Variants in ACTR6 observed in about 807,000 individuals in gnomAD.
The protein encoded by ACTR6 is actin-related protein 6.
A neutral mutation model predicts 52.5 loss-of-function variants in ACTR6; 50 were observed. The ratio of observed to expected loss-of-function variants is 0.95; its 90% confidence interval spans 0.76 to 1.20. ACTR6 has a LOEUF of 1.20. ACTR6 is among the 50% of genes most tolerant of loss of function. The probability of loss-of-function intolerance (pLI) is 0.00; values close to 1 mark genes in which losing one functional copy is unlikely to be tolerated. For missense variants in ACTR6, 344 were observed against 472.4 expected (o/e 0.73, Z 2.52); for synonymous variants, 135 against 147.2 (o/e 0.92, Z 0.60).
chr12:100,204,535 G>GTT (rs1036205378), intron 1 of ACTR6, among the ~76,000 whole-genome samples: 1 of 150,904 alleles, frequency 6.6e-6, no homozygotes, highest in East Asian at 1.9e-4. Flanking sequence ...TAATTTTTGT[G>GTT]TTTTTTTTTA....
At chr12:100,202,509 G>T (rs1017217727) in intron 1 of ACTR6, among the ~76,000 whole-genome samples, 1 of 151,988 alleles carries the variant, frequency 6.6e-6, no homozygotes. Flanking sequence ...TTATCCCAGT[G>T]TCATCTCGTA....
chr12:100,210,124 G>T lies in ACTR6; in HGVS notation c.431G>T (p.Cys144Phe). The T allele has an allele frequency of 6.2e-7, 1 of 1,610,940 alleles. No homozygotes were observed. The highest frequency in any genetic ancestry group is 1.3e-5 in the African/African-American group (1 of 74,810). ...TTCCGAGATAATCCTTCCGAATTATGCTGTATCATTGTTGATAGTGGATAT... is the reference window on the plus strand; with the variant it reads ...TTCCGAGATAATCCTTCCGAATTATTCTGTATCATTGTTGATAGTGGATAT... The part of the protein sequence containing the change: ...RYFRDNPSEL[C>F]CIIVDSGYSF... Residue 144 changes from cysteine to phenylalanine, a missense_variant, in exon 5 of 11, where the codon TGC (cysteine) becomes TTC (phenylalanine). Transcript: ENST00000188312.
chr12:100,207,884 A>G, intron 4 of ACTR6, 98 bp downstream of exon 4: 1 of 1,365,622 alleles, frequency 7.3e-7, no homozygotes, highest in Non-Finnish European at 1.0e-6. Context: ...ATTCTTGGCT[A>G]GCACAGTGGC....
intron 8 of ACTR6, among the ~76,000 whole-genome samples, chr12:100,217,708 T>G (rs570767392): frequency 6.6e-6 from 1 of 152,314 alleles, no homozygotes; most frequent in Admixed American, 6.5e-5. Flanking sequence ...GACCATGGAC[T>G]TGCTTACATC....
intron 9 of ACTR6, among the ~76,000 whole-genome samples, chr12:100,219,160 T>TAAAAAAAAAAAAAA (rs563553340): frequency 8.5e-6 from 1 of 117,944 alleles, no homozygotes; most frequent in Non-Finnish European, 1.8e-5. Context: ...TTCCTCTCAT[T>TAAAAAAAAAAAAAA]AAAAAAAAAA....
At chr12:100,221,212 T>C (rs1157647866) in intron 10 of ACTR6, among the ~76,000 whole-genome samples, 1 of 152,156 alleles carries the variant, frequency 6.6e-6, no homozygotes, top group African/African-American at 2.4e-5. Flanking sequence ...CCAAAGTATA[T>C]GTCTAAAAAC....
In ACTR6 at chr12:100,207,742, T is replaced by C. The variant is rs747137303; in HGVS notation, c.335T>C (p.Ile112Thr). 2 of 1,596,906 alleles carry C rather than the reference T, an allele frequency of 1.3e-6. No individual in the cohort carries two copies. The highest frequency in any genetic ancestry group is 8.6e-7 in the Non-Finnish European group (1 of 1,167,410). ...TCAATTCAAGAATCAATGAATGAAA[T>C]TCTATTTGAAGAATACCAGTTTCAA... ...FTSIQESMNE[I>T]LFEEYQFQAV... is the part of the protein sequence containing the mutation. Residue 112 changes from isoleucine (I) to threonine (T), a missense_variant, in exon 4 of 11, where the codon ATT becomes ACT. Coordinates refer to ENST00000188312, the MANE Select transcript of ACTR6 (RefSeq NM_022496.5).
chr12:100,220,909 C>T (rs1216483749), intron 10 of ACTR6, among the ~76,000 whole-genome samples: 1 of 151,828 alleles, frequency 6.6e-6, no homozygotes, highest in East Asian at 1.9e-4. Flanking sequence ...ATCATTTGAG[C>T]CCAGGAGGTG....
At chr12:100,212,211 G>A (rs2096120402) in intron 6 of ACTR6, 45 bp from the exon 7 acceptor site, 1 of 1,317,124 alleles carries the variant, frequency 7.6e-7, no homozygotes, top group Non-Finnish European at 1.0e-6. Context: ...TATAAATTAT[G>A]TTTAATTGTT....
At chr12:100,220,228 G>A in intron 10 of ACTR6, 82 bp downstream of exon 10, 2 of 1,405,052 alleles carry the variant, frequency 1.4e-6, no homozygotes, top group Non-Finnish European at 1.9e-6. Flanking sequence ...TTAAAACCTG[G>A]CTCTCCCACG....
chr12:100,204,124 C>G (rs2096112369), intron 1 of ACTR6: 1 of 152,082 alleles, frequency 6.6e-6, no homozygotes, highest in Non-Finnish European at 1.5e-5. Context: ...GAACTTGTTA[C>G]ATACTGAACT....
At chr12:100,223,564 G>A (rs762739231) in intron 10 of ACTR6, among the ~76,000 whole-genome samples, 18 of 152,176 alleles carry the variant, frequency 1.2e-4, no homozygotes, top group African/African-American at 3.1e-4. Flanking sequence ...ATTTTGTAGC[G>A]GTAAACAAGG....
intron 3 of ACTR6, among the ~76,000 whole-genome samples, chr12:100,206,921 C>G (rs2096115331): frequency 6.7e-6 from 1 of 150,308 alleles, no homozygotes; most frequent in Non-Finnish European, 1.5e-5. Flanking sequence ...CTCAGGTGAT[C>G]TGCCTGCCTC....
intron 8 of ACTR6, among the ~76,000 whole-genome samples, chr12:100,215,413 A>G (rs1326704451): frequency 6.6e-6 from 1 of 152,130 alleles, no homozygotes; most frequent in Non-Finnish European, 1.5e-5. Flanking sequence ...AAGCCAGTAG[A>G]GGTGTGGTTA....
At chr12:100,209,517 G>A (rs2153900302) in intron 4 of ACTR6, among the ~76,000 whole-genome samples, 1 of 152,238 alleles carries the variant, frequency 6.6e-6, no homozygotes, top group South Asian at 2.1e-4. Flanking sequence ...ATGGGTAGAG[G>A]CCAAGATGCT....
chr12:100,204,793 T>C, intron 1 of ACTR6, 147 bp from the exon 2 acceptor site: 2 of 555,264 alleles, frequency 3.6e-6, no homozygotes, highest in Non-Finnish European at 6.3e-6. Context: ...CTCCCAGCCT[T>C]TGGTATTATT....
intron 8 of ACTR6, among the ~76,000 whole-genome samples, chr12:100,213,028 A>AG (rs1306586084): frequency 2.0e-5 from 3 of 149,378 alleles, no homozygotes; most frequent in Admixed American, 2.0e-4. Context: ...AAAAAAAAAA[A>AG]GAATTTCACA....
chr12:100,211,512 GTCC>G (rs2096119906), intron 6 of ACTR6, among the ~76,000 whole-genome samples: 1 of 152,190 alleles, frequency 6.6e-6, no homozygotes, highest in African/African-American at 2.4e-5. Flanking sequence ...GGTTTAAGCT[GTCC>G]TCCTGCCTCA....
chr12:100,217,460 A>G (rs2096124757), intron 8 of ACTR6, among the ~76,000 whole-genome samples: 1 of 152,220 alleles, frequency 6.6e-6, no homozygotes, highest in East Asian at 1.9e-4. Context: ...AATGAAATGA[A>G]TGTCTTTACC....
Sources: allele counts gnomAD v4.1 joint callset (sites outside exome capture counted in the v4.1 genomes callset), GRCh38; gene constraint gnomAD v4.1.1; transcripts MANE v1.5; gene names NCBI Gene and HGNC (gene_info 2026-07-23, HGNC 2026-07-21).